Variants in SHISA9 observed in about 807,000 individuals in gnomAD.
The protein encoded by SHISA9 is shisa family member 9.
Under a neutral mutation model 38.0 loss-of-function variants are expected in SHISA9, and 13 were observed. That is an observed-to-expected ratio of 0.34 (90% CI 0.22 to 0.54). The LOEUF (loss-of-function observed/expected upper bound fraction) is 0.54, where lower values mean the gene tolerates loss of function less well. SHISA9 is among the 20% of genes least tolerant of loss of function. The pLI, the probability that SHISA9 is intolerant of heterozygous loss-of-function variation, is 0.91. For synonymous variants in SHISA9, 275 were observed against 242.0 expected (o/e 1.14, Z -1.27); for missense variants, 538 against 575.8 (o/e 0.93, Z 0.67).
intron 2 of SHISA9, among the ~76,000 whole-genome samples, chr16:12,954,840 G>A (rs1185976888): frequency 6.6e-6 from 1 of 152,114 alleles, no homozygotes; most frequent in Non-Finnish European, 1.5e-5. Context: ...GTATTAAGCA[G>A]TATGCTATTA....
chr16:12,903,023 A>G (rs2071041451), intron 1 of SHISA9: 1 of 186,702 alleles, frequency 5.4e-6, no homozygotes, highest in African/African-American at 2.4e-5. Flanking sequence ...TTTGGTAAAC[A>G]GGGGCAGGCG....
At chr16:13,119,384 G>C (rs7201081) in intron 2 of SHISA9, among the ~76,000 whole-genome samples, 2 of 152,140 alleles carry the variant, frequency 1.3e-5, no homozygotes, top group African/African-American at 4.8e-5. Context: ...ATAGGAATAA[G>C]GACTAGATTT....
intron 2 of SHISA9, among the ~76,000 whole-genome samples, chr16:13,090,514 A>G (rs1159087197): frequency 6.6e-6 from 1 of 152,204 alleles, no homozygotes; most frequent in Admixed American, 6.5e-5. Context: ...TATTTAGGAT[A>G]GTTAGCTCTT....
the SHISA9 span, among the ~76,000 whole-genome samples, chr16:13,469,423 AAAAG>A: frequency 1.7e-4 from 20 of 115,952 alleles, no homozygotes; most frequent in African/African-American, 3.8e-4. Context: ...GAAAGAAAGA[AAAAG>A]AAAGAAAGAG....
chr16:13,228,207 T>C (rs1250341768), intron 4 of SHISA9, among the ~76,000 whole-genome samples: 2 of 152,210 alleles, frequency 1.3e-5, no homozygotes. Context: ...CACTCCACTC[T>C]TGCCCCAAGT....
At chr16:13,167,552 T>G (rs2050648570) in intron 2 of SHISA9, among the ~76,000 whole-genome samples, 1 of 152,180 alleles carries the variant, frequency 6.6e-6, no homozygotes, top group African/African-American at 2.4e-5. Context: ...AGGTGGGGCC[T>G]GGTGAGAGGT....
chr16:13,252,354 G>T, the SHISA9 span, among the ~76,000 whole-genome samples: 2 of 152,182 alleles, frequency 1.3e-5, no homozygotes, highest in Non-Finnish European at 2.9e-5. Context: ...GTCATAACTT[G>T]GGAGATAGGT....
At chr16:13,011,043 A>T (rs886613193) in intron 2 of SHISA9, among the ~76,000 whole-genome samples, 1 of 152,130 alleles carries the variant, frequency 6.6e-6, no homozygotes, top group Non-Finnish European at 1.5e-5. Flanking sequence ...ATCTTCCACA[A>T]ATATTTTTAT....
At chr16:13,384,638 C>T in the SHISA9 span, among the ~76,000 whole-genome samples, 1 of 152,108 alleles carries the variant, frequency 6.6e-6, no homozygotes, top group African/African-American at 2.4e-5. Context: ...GCTTTAAGGA[C>T]AAGAAGTCCA....
At chr16:12,911,216 A>G in intron 1 of SHISA9, 1 of 980,336 alleles carries the variant, frequency 1.0e-6, no homozygotes, top group Non-Finnish European at 1.2e-6. Context: ...TTGATTCAGA[A>G]TCTGCATTTT....
At chr16:12,963,591 G>A (rs2071939342) in intron 2 of SHISA9, among the ~76,000 whole-genome samples, 1 of 152,178 alleles carries the variant, frequency 6.6e-6, no homozygotes, top group Admixed American at 6.5e-5. Context: ...ATATACTTGT[G>A]TCATTTAATT....
the SHISA9 span, among the ~76,000 whole-genome samples, chr16:13,345,906 A>C: frequency 2.6e-5 from 4 of 152,114 alleles, no homozygotes; most frequent in Non-Finnish European, 5.9e-5. Flanking sequence ...CTTCTTTTGA[A>C]AAAGTTTCAT....
the SHISA9 span, among the ~76,000 whole-genome samples, chr16:13,301,407 T>C: frequency 6.6e-6 from 1 of 152,208 alleles, no homozygotes; most frequent in Non-Finnish European, 1.5e-5. Flanking sequence ...CCCCACATAA[T>C]GCTGCTGTTG....
rs192944400 is a variant in SHISA9 at position 13,112,935 on chromosome 16, C to T, written c.692-90459C>T. Among the ~76,000 whole-genome samples, 12 of 152,028 alleles carry T rather than the reference C, an allele frequency of 7.9e-5. No homozygotes were observed. The East Asian group carries it at 2.1e-3, about 27-fold the overall frequency. On this transcript the variant is annotated intron_variant, in intron 2 of 4. Coordinates refer to ENST00000558583, the MANE Select transcript of SHISA9 (RefSeq NM_001145204.3). ...ATAGAGTAAAAAATTTGAGGCCAGG[C>T]GCAGTGACTCACGCCTGTAATCCCA...
At chr16:13,163,817 G>T (rs2819632) in intron 2 of SHISA9, among the ~76,000 whole-genome samples, 116,806 of 151,938 alleles carry the variant, frequency 0.77, 44,979 homozygotes, top group East Asian at 0.87. Context: ...AACGGAGTTT[G>T]GTATGTTAAC....
At chr16:13,124,404 A>T (rs2050239064) in intron 2 of SHISA9, among the ~76,000 whole-genome samples, 1 of 152,232 alleles carries the variant, frequency 6.6e-6, no homozygotes, top group African/African-American at 2.4e-5. Context: ...GGATGGTGTC[A>T]GTTCCCCAAG....
chr16:13,299,719 A>AAG, the SHISA9 span, among the ~76,000 whole-genome samples: 1 of 151,782 alleles, frequency 6.6e-6, no homozygotes, highest in Admixed American at 6.6e-5. Flanking sequence ...TCAAAAAAAA[A>AAG]AAAAACAAAA....
the SHISA9 span, among the ~76,000 whole-genome samples, chr16:13,406,250 T>C: frequency 6.6e-6 from 1 of 152,216 alleles, no homozygotes; most frequent in Non-Finnish European, 1.5e-5. Flanking sequence ...GAGTATAATC[T>C]TGTTAGTGCT....
chr16:13,108,402 C>G (rs2141964157), intron 2 of SHISA9, among the ~76,000 whole-genome samples: 1 of 152,290 alleles, frequency 6.6e-6, no homozygotes, highest in Middle Eastern at 3.4e-3. Flanking sequence ...GTCGCTGGGA[C>G]TGCAGGCAGG....
Sources: allele counts gnomAD v4.1 joint callset (sites outside exome capture counted in the v4.1 genomes callset), GRCh38; gene constraint gnomAD v4.1.1; transcripts MANE v1.5; gene names NCBI Gene and HGNC (gene_info 2026-07-23, HGNC 2026-07-21).